The following FBXL22 variants were observed in gnomAD, a reference collection of about 807,000 sequenced individuals.
FBXL22 encodes the protein F-box and leucine rich repeat protein 22.
Under a neutral mutation model 11.7 loss-of-function variants are expected in FBXL22, and 13 were observed. The observed-to-expected ratio is 1.11, with a 90% CI of 0.73 to 1.77. FBXL22 has a LOEUF of 1.77. Among genes scored for constraint, FBXL22 ranks in the 40% most tolerant of loss-of-function variants. The pLI is 0.00. For missense variants in FBXL22, 406 were observed against 320.4 expected, an observed-to-expected ratio of 1.27 and a Z score of -2.04; for synonymous variants, 160 against 144.1, an observed-to-expected ratio of 1.11 and a Z score of -0.79.
chr15:63,597,744 AG>A lies in FBXL22; in HGVS notation c.353+1del. The A allele has an allele frequency of 6.4e-7, 1 of 1,570,560 alleles. No individual in the cohort carries two copies. Among genetic ancestry groups the A allele is most frequent in the Non-Finnish European group, 8.7e-7 (1 of 1,154,976 alleles). On this transcript the variant is annotated frameshift_variant and splice_region_variant, in exon 1 of 2. Coordinates refer to ENST00000638704, the MANE Select transcript of FBXL22 (RefSeq NM_001367807.1). LOFTEE classifies it high-confidence loss of function. This position sits in a 1 kb window ranked among gnomAD's most constrained non-coding sequence, Gnocchi z 4.3. The stretch of plus-strand genomic sequence containing the variant: ...TGATTTCCTCCTCCGGGTGTGCGAC[AG>A]GTAGGCCACCTTGCCTCCTGAGCAG... Reference protein sequence around the residue: ...VNDFLLRVCDRCPNLASVTLS... With the variant: ...VNDFLLRVCDXCPNLASVTLS...
chr15:63,606,981 G>C (rs990309510), downstream of FBXL22, among the ~76,000 whole-genome samples: 2 of 151,910 alleles, frequency 1.3e-5, no homozygotes, highest in African/African-American at 4.8e-5. Flanking sequence ...AGCTCAGCAA[G>C]AGGGACGCAG....
chr15:63,605,569 T>C (rs1190445725), downstream of FBXL22, among the ~76,000 whole-genome samples: 1 of 152,124 alleles, frequency 6.6e-6, no homozygotes, highest in East Asian at 1.9e-4. Context: ...TTGGCAGGCA[T>C]GGCACAGCAA....
Position 63,597,858 on chromosome 15 carries a change from C to A in FBXL22, c.353+113C>A. 1 of 988,068 alleles carries A rather than the reference C, an allele frequency of 1.0e-6. No homozygotes were observed. Among genetic ancestry groups the A allele is most frequent in the Non-Finnish European group, 1.5e-6 (1 of 688,784 alleles). 61.2% of individuals were successfully genotyped at this position (988,068 alleles called of 1,614,324 possible). ...AGATGGCTCCACCTTCGGGGCGCCT[C>A]AAACTAGGCCCAAGGCAGACATCCA... On this transcript the variant is annotated intron_variant, in intron 1 of 1. Transcript: ENST00000638704. The surrounding 1 kb of genome is among the most constrained non-coding windows in gnomAD (Gnocchi z 4.3).
chr15:63,605,754 T>C (rs1352586009), downstream of FBXL22, among the ~76,000 whole-genome samples: 2 of 152,206 alleles, frequency 1.3e-5, no homozygotes, highest in African/African-American at 4.8e-5. Flanking sequence ...TTTCTAAGGT[T>C]TGGCCAAGGC....
At chr15:63,607,469 C>G in the FBXL22 span, among the ~76,000 whole-genome samples, 2 of 152,250 alleles carry the variant, frequency 1.3e-5, no homozygotes, top group Non-Finnish European at 2.9e-5. Flanking sequence ...CTCATCTTTA[C>G]CCAGAACTCC....
rs927512455 is a variant in FBXL22, at chr15:63,599,850, G to T, written c.354-847G>T. ...CAGGGAAAGCGGGTTAGGACTGCCT[G>T]TGGAAGGCCCCGTTGCAGGCTCCTC... On this transcript the variant is annotated intron_variant, in intron 1 of 1. Coordinates refer to ENST00000638704, the MANE Select transcript of FBXL22 (RefSeq NM_001367807.1). 5.1e-5 allele frequency: 50 copies of T among 985,614 alleles called. 1 individual carries two copies. Among genetic ancestry groups the T allele is most frequent in the Non-Finnish European group, 5.8e-5 (48 of 830,206 alleles). 61.1% of individuals were successfully genotyped at this position (985,614 alleles called of 1,614,324 possible). A position where few individuals can be genotyped will look rare whatever the true frequency, so the allele number is the denominator to read the frequency against.
downstream of FBXL22, chr15:63,601,530 A>G (rs1405706385): frequency 6.4e-7 from 1 of 1,554,644 alleles, no homozygotes. Flanking sequence ...GGGGACCGCC[A>G]CCTCCAGGAG....
downstream of FBXL22, chr15:63,601,778 G>A: frequency 2.9e-6 from 4 of 1,385,858 alleles, no homozygotes; most frequent in East Asian, 2.8e-5. Flanking sequence ...TCTCATAAGG[G>A]AAAAAGAAAT....
Position 63,597,839 on chromosome 15 carries a change from C to A in FBXL22, c.353+94C>A. On this transcript the variant is annotated intron_variant, in intron 1 of 1. Transcript: ENST00000638704. This position sits in a 1 kb window ranked among gnomAD's most constrained non-coding sequence, Gnocchi z 4.3. ...AGAGCAAATTACGAGACCAAGATGG[C>A]TCCACCTTCGGGGCGCCTCAAACTA... is the stretch of plus-strand genomic sequence containing the variant. 2 of 1,257,974 alleles carry A rather than the reference C, an allele frequency of 1.6e-6. No homozygotes were observed. Among genetic ancestry groups the A allele is most frequent in the South Asian group, 1.5e-5 (1 of 65,958 alleles). 77.9% of individuals were successfully genotyped at this position (1,257,974 alleles called of 1,614,324 possible).
At position 63,599,332 on chromosome 15, in the gene FBXL22, A is replaced by C. The variant is rs144582396; in HGVS notation, c.354-1365A>C. 3 of 1,451,142 alleles carry C rather than the reference A, an allele frequency of 2.1e-6. No individual in the cohort carries two copies. The East Asian group carries it at 7.5e-5, about 36-fold the overall frequency. The allele number at this position is 1,451,142 out of a possible 1,614,324, so 89.9% of individuals were successfully genotyped here. ...TATCAGAATTATTCCAAAGATTCTTAGAAGAAAAGATCACCCAACACCTTT... is the reference window on the plus strand; with the variant it reads ...TATCAGAATTATTCCAAAGATTCTTCGAAGAAAAGATCACCCAACACCTTT... On this transcript the variant is annotated intron_variant, in intron 1 of 1. Coordinates refer to ENST00000638704, the MANE Select transcript of FBXL22 (RefSeq NM_001367807.1).
Position 63,597,444 on chromosome 15 carries a change from C to A in FBXL22, c.52C>A (p.Leu18Met). 1 of 1,613,936 alleles carries A rather than the reference C, an allele frequency of 6.2e-7. No homozygotes were observed. The highest frequency in any genetic ancestry group is 8.5e-7 in the Non-Finnish European group (1 of 1,179,984). ...HITQLNRECL[L>M]HLFSFLDKDS... is the part of the protein sequence containing the mutation. ...AACCCAGCTCAACCGGGAGTGCCTG[C>A]TGCACCTCTTCTCCTTCCTAGACAA... is the stretch of plus-strand genomic sequence containing the variant. Residue 18 changes from leucine to methionine, a missense_variant, in exon 1 of 2, where the codon CTG becomes ATG. By Grantham distance (15) the Leu-to-Met change is conservative. Transcript: ENST00000638704. The surrounding 1 kb of genome is among the most constrained non-coding windows in gnomAD (Gnocchi z 4.3).
At chr15:63,604,730 G>A (rs534884513), downstream of FBXL22, among the ~76,000 whole-genome samples, 2 of 152,170 alleles carry the variant, frequency 1.3e-5, no homozygotes, top group East Asian at 3.9e-4. Flanking sequence ...GGAGGGCATG[G>A]AATCTCCGTG....
downstream of FBXL22, among the ~76,000 whole-genome samples, chr15:63,603,652 C>T (rs2067398348): frequency 6.6e-6 from 1 of 152,204 alleles, no homozygotes; most frequent in Non-Finnish European, 1.5e-5. Context: ...TGTGGACAGG[C>T]AAGCAGCACC....
downstream of FBXL22, chr15:63,601,627 T>G: frequency 6.2e-7 from 1 of 1,603,862 alleles, no homozygotes; most frequent in Non-Finnish European, 8.5e-7. Flanking sequence ...TCCTTGCGGT[T>G]TTGCCCGCAC....
chr15:63,599,886 T>TG, intron 1 of FBXL22: 1 of 985,650 alleles, frequency 1.0e-6, no homozygotes, highest in Non-Finnish European at 1.2e-6. Flanking sequence ...ACAACCCCAG[T>TG]GGTAGACATT....
At chr15:63,600,530 G>T in intron 1 of FBXL22, 167 bp from the exon 2 acceptor site, 1 of 1,229,060 alleles carries the variant, frequency 8.1e-7, no homozygotes, top group Non-Finnish European at 1.0e-6. Context: ...GAGGGAAAAT[G>T]GGCCGGCCAG....
At chr15:63,598,886 C>T (rs1036276731) in intron 1 of FBXL22, among the ~76,000 whole-genome samples, 1 of 152,174 alleles carries the variant, frequency 6.6e-6, no homozygotes. Flanking sequence ...AGGCGAATGG[C>T]ACAACATGTC....
At chr15:63,599,732 C>T in intron 1 of FBXL22, 1 of 987,030 alleles carries the variant, frequency 1.0e-6, no homozygotes, top group East Asian at 1.1e-4. Flanking sequence ...CTTCCCCAGC[C>T]CAGACTCTAG....
chr15:63,603,894 C>CT (rs2067400370), downstream of FBXL22, among the ~76,000 whole-genome samples: 1 of 152,238 alleles, frequency 6.6e-6, no homozygotes, highest in Non-Finnish European at 1.5e-5. Context: ...GCTTTGCACT[C>CT]TGGAGAGGCG....
Sources: gnomAD v4.1 joint callset for allele counts (sites outside exome capture counted in the v4.1 genomes callset) on GRCh38, gnomAD v4.1.1 for gene constraint, Gnocchi (gnomAD v3.1) non-coding constraint, MANE v1.5 for transcripts, NCBI Gene and HGNC (gene_info 2026-07-23, HGNC 2026-07-21) for gene names.